Variants in PRKN observed in about 807,000 individuals in gnomAD.
The protein encoded by PRKN is parkin RBR E3 ubiquitin protein ligase, also known as E3 ubiquitin-protein ligase parkin.
PRKN carries 56 observed loss-of-function variants against 59.5 expected under a neutral mutation model. The observed-to-expected ratio is 0.94, with a 90% confidence interval of 0.76 to 1.18. The LOEUF is 1.18. Among genes scored for constraint, PRKN ranks in the 50% most tolerant of loss-of-function variants. The pLI, the probability that PRKN is intolerant of heterozygous loss-of-function variation, is 0.00. For missense variants in PRKN, 657 were observed against 596.4 expected, an observed-to-expected ratio of 1.10 and a Z score of -1.06; for synonymous variants, 250 against 222.1, an observed-to-expected ratio of 1.13 and a Z score of -1.12.
intron 6 of PRKN, among the ~76,000 whole-genome samples, chr6:161,932,642 T>C (rs1015218992): frequency 1.3e-5 from 2 of 152,224 alleles, no homozygotes; most frequent in African/African-American, 4.8e-5. Context: ...AGGATGTGTG[T>C]AGCTATAAAA....
intron 1 of PRKN, chr6:162,569,727 G>T: frequency 3.6e-6 from 2 of 548,628 alleles, no homozygotes; most frequent in South Asian, 3.5e-5. Flanking sequence ...CTTCCTAAGT[G>T]AACAGCTGCG....
intron 7 of PRKN, among the ~76,000 whole-genome samples, chr6:161,570,796 G>A (rs1054800315): frequency 3.9e-5 from 6 of 152,200 alleles, no homozygotes; most frequent in African/African-American, 1.4e-4. Context: ...CTTCAGGGAT[G>A]TTGGTGTTCC....
intron 6 of PRKN, among the ~76,000 whole-genome samples, chr6:161,791,135 T>C (rs1390859866): frequency 2.0e-5 from 3 of 152,154 alleles, no homozygotes; most frequent in African/African-American, 7.2e-5. Flanking sequence ...GAGCGGTAAA[T>C]TAAAGGTTAA....
intron 6 of PRKN, among the ~76,000 whole-genome samples, chr6:161,864,675 G>A (rs1794041888): frequency 6.6e-6 from 1 of 151,794 alleles, no homozygotes. Context: ...TTGTTTTTTT[G>A]AGACAGAATC....
chr6:161,772,316 G>T (rs1189301984), intron 7 of PRKN, among the ~76,000 whole-genome samples: 1 of 152,162 alleles, frequency 6.6e-6, no homozygotes, highest in Non-Finnish European at 1.5e-5. Context: ...CATAGCTCAG[G>T]AAGATATAGC....
intron 6 of PRKN, among the ~76,000 whole-genome samples, chr6:161,930,626 T>C (rs534542067): frequency 6.6e-6 from 1 of 152,238 alleles, no homozygotes; most frequent in Non-Finnish European, 1.5e-5. Context: ...GGCAGAATAA[T>C]GGCTCCCAAT....
At chr6:162,414,713 A>G in intron 2 of PRKN, among the ~76,000 whole-genome samples, 1 of 100,890 alleles carries the variant, frequency 9.9e-6, no homozygotes, top group Non-Finnish European at 1.9e-5. Context: ...TCCGTCTCAA[A>G]AAAAAAAAAA....
chr6:162,649,511 T>C (rs1164123919), intron 1 of PRKN, among the ~76,000 whole-genome samples: 4 of 152,180 alleles, frequency 2.6e-5, no homozygotes, highest in Non-Finnish European at 5.9e-5. Flanking sequence ...TCTGGCTAAC[T>C]GTAGAAAGTC....
intron 7 of PRKN, among the ~76,000 whole-genome samples, chr6:161,711,286 C>G (rs557032730): frequency 1.3e-5 from 2 of 151,958 alleles, no homozygotes; most frequent in African/African-American, 4.8e-5. Flanking sequence ...GAAAGCAGCA[C>G]GATGGTAATG....
chr6:162,569,966 GA>G lies in PRKN; in HGVS notation c.8-126494del, dbSNP rs947327183. On this transcript the variant is annotated intron_variant, in intron 1 of 11. Coordinates refer to ENST00000366898, the MANE Select transcript of PRKN (RefSeq NM_004562.3). ...CCAAAATAAAACCTCAGCTAGCCCT[GA>G]AAAAAAGGCTTCTGCACAGTAAAAG... Among the ~76,000 whole-genome samples the G allele has an allele frequency of 4.6e-5, 7 of 152,058 alleles. No homozygotes were observed. The East Asian group carries it at 1.2e-3, about 25-fold the overall frequency.
chr6:161,595,287 C>G (rs763850234), intron 7 of PRKN, among the ~76,000 whole-genome samples: 8 of 152,124 alleles, frequency 5.3e-5, no homozygotes, highest in Non-Finnish European at 1.0e-4. Context: ...ATTCAACAAA[C>G]CACCGACAAC....
chr6:161,473,336 A>G lies in PRKN; in HGVS notation c.1083+75518T>C, dbSNP rs1481018753. On this transcript the variant is annotated intron_variant, in intron 9 of 11. Transcript: ENST00000366898. This position sits in a 1 kb window ranked among gnomAD's most constrained non-coding sequence, Gnocchi z 4.1. ...AGAGGGGAGCATTATATATATAGATACCTATATATCCATAAATTTATTTAT... is the reference window on the plus strand; with the variant it reads ...AGAGGGGAGCATTATATATATAGATGCCTATATATCCATAAATTTATTTAT... 6.6e-6 allele frequency among the ~76,000 whole-genome samples: 1 copy of G among 150,548 alleles called. No individual in the cohort carries two copies. The highest frequency in any genetic ancestry group is 2.4e-5 in the African/African-American group (1 of 41,154).
At chr6:161,577,747 G>A (rs1781187011) in intron 7 of PRKN, among the ~76,000 whole-genome samples, 1 of 152,124 alleles carries the variant, frequency 6.6e-6, no homozygotes, top group Admixed American at 6.5e-5. Flanking sequence ...GATGCAGATT[G>A]GTATTTTCTG....
At chr6:162,012,698 G>A (rs1227617640) in intron 5 of PRKN, among the ~76,000 whole-genome samples, 2 of 151,928 alleles carry the variant, frequency 1.3e-5, no homozygotes, top group East Asian at 1.9e-4. Context: ...AAATTGAACC[G>A]AGGACCACCT....
chr6:162,242,338 A>G (rs1363990085), intron 3 of PRKN, among the ~76,000 whole-genome samples: 5 of 152,112 alleles, frequency 3.3e-5, no homozygotes, highest in Non-Finnish European at 7.4e-5. Flanking sequence ...ACCTTTTTCC[A>G]ATGGCAGAAA....
intron 6 of PRKN, among the ~76,000 whole-genome samples, chr6:161,958,208 C>T (rs932777518): frequency 1.3e-5 from 2 of 152,092 alleles, no homozygotes; most frequent in African/African-American, 2.4e-5. Flanking sequence ...TATTATAATA[C>T]TTGGGTAATT....
intron 7 of PRKN, among the ~76,000 whole-genome samples, chr6:161,686,676 C>T (rs1214009473): frequency 6.6e-6 from 1 of 152,164 alleles, no homozygotes; most frequent in Non-Finnish European, 1.5e-5. Context: ...ACACAGGGCT[C>T]CAGTGAGTTA....
intron 4 of PRKN, among the ~76,000 whole-genome samples, chr6:162,198,110 C>G (rs1009949701): frequency 6.6e-6 from 1 of 152,168 alleles, no homozygotes; most frequent in South Asian, 2.1e-4. Context: ...TCTAGAAAAA[C>G]TTCAGAGAAG....
intron 1 of PRKN, among the ~76,000 whole-genome samples, chr6:162,648,792 T>TA (rs1778299769): frequency 6.6e-6 from 1 of 152,218 alleles, no homozygotes; most frequent in Non-Finnish European, 1.5e-5. Context: ...ATGTTATGTG[T>TA]TAACTTAGCT....
Sources: gnomAD v4.1 joint callset for allele counts (sites outside exome capture counted in the v4.1 genomes callset) on GRCh38, gnomAD v4.1.1 for gene constraint, Gnocchi (gnomAD v3.1) non-coding constraint, MANE v1.5 for transcripts, NCBI Gene and HGNC (gene_info 2026-07-23, HGNC 2026-07-21) for gene names.